The following OR5M10 variants were observed in gnomAD, a reference collection of about 807,000 sequenced individuals.
OR5M10 encodes the protein olfactory receptor family 5 subfamily M member 10.
For missense variants in OR5M10, 387 were observed against 376.4 expected (o/e 1.03, Z -0.23); for synonymous variants, 149 against 144.8 (o/e 1.03, Z -0.21).
At position 56,577,669 on chromosome 11, in the gene OR5M10, G is replaced by A. The variant is rs747329159; in HGVS notation, c.53C>T (p.Thr18Ile). ...GATCTTCTCTAGCACTGGGTCGTCT[G>A]TCAGTCCTAAGAGAATGAATTCTGT... ...IVTEFILLGL[T>I]DDPVLEKILF... is the part of the protein sequence containing the mutation. Residue 18 changes from threonine to isoleucine, a missense_variant, in exon 1 of 1, where the codon ACA (threonine) becomes ATA (isoleucine). Transcript: ENST00000526538. 1 of 1,613,656 alleles carries A rather than the reference G, an allele frequency of 6.2e-7. No individual in the cohort carries two copies. Among genetic ancestry groups the A allele is most frequent in the Non-Finnish European group, 8.5e-7 (1 of 1,179,712 alleles).
Position 56,577,296 on chromosome 11 carries a change from G to A in OR5M10, c.426C>T (p.Ile142=), listed in dbSNP as rs781411755. The change falls in exon 1 of 1, where the codon ATC becomes ATT. Residue 142 remains isoleucine, a synonymous_variant. Transcript: ENST00000526538. ...YSSRMSKNIC[I]SLVTVPYMYG... The stretch of plus-strand genomic sequence containing the variant: ...ACATGTAAGGCACAGTGACCAGAGA[G>A]ATGCAAATGTTCTTGGACATCCTGG... 33 of 1,613,878 alleles carry A rather than the reference G, an allele frequency of 2.0e-5. 3 individuals are homozygous for A. The Middle Eastern group carries it at 4.3e-3, about 210-fold the overall frequency.
In OR5M10 at chr11:56,576,876, G is replaced by T. The variant is rs1437837289; in HGVS notation, c.846C>A (p.Ser282Arg). Residue 282 changes from serine to arginine, a missense_variant, in exon 1 of 1, where the codon AGC (serine) becomes AGA (arginine). Transcript: ENST00000526538. Reference protein sequence around the residue: ...KIIAVFYTFLSPMLNPLIYSL... With the variant: ...KIIAVFYTFLRPMLNPLIYSL... ...TATAGATCAATGGGTTCAGCATTGG[G>T]CTCAAAAAAGTATAAAAGACTGCAA... is the stretch of plus-strand genomic sequence containing the variant. The T allele has an allele frequency of 4.3e-6, 7 of 1,613,682 alleles. No individual in the cohort carries two copies. Among genetic ancestry groups the T allele is most frequent in the Non-Finnish European group, 5.9e-6 (7 of 1,179,874 alleles).
Position 56,577,120 on chromosome 11 carries a change from A to G in OR5M10, c.602T>C (p.Val201Ala), listed in dbSNP as rs923542803. Reference protein sequence around the residue: ...DTRVKKMAMFVVAGFTLSSSL... With the variant: ...DTRVKKMAMFAVAGFTLSSSL... ...GCTTGAGAGAGTAAAGCCTGCAACT[A>G]CAAACATTGCCATCTTTTTGACACG... is the stretch of plus-strand genomic sequence containing the variant. Residue 201 changes from valine to alanine, a missense_variant, in exon 1 of 1, where the codon GTA becomes GCA. Transcript: ENST00000526538. The G allele has an allele frequency of 1.2e-6, 2 of 1,613,874 alleles. No homozygotes were observed. The highest frequency in any genetic ancestry group is 1.3e-5 in the African/African-American group (1 of 74,954).
chr11:56,577,002 C>G lies in OR5M10; in HGVS notation c.720G>C (p.Thr240=). The G allele has an allele frequency of 8.7e-6, 14 of 1,613,750 alleles. No homozygotes were observed. Among genetic ancestry groups the G allele is most frequent in the Middle Eastern group, 1.7e-4 (1 of 6,060 alleles). The change falls in exon 1 of 1, where the codon ACG becomes ACC. Residue 240 remains threonine, a synonymous_variant. Coordinates refer to ENST00000526538, the MANE Select transcript of OR5M10 (RefSeq NM_001004741.1). ...TGACTATTGTCAGGTGGGAAGCACA[C>G]GTAGAAAAGGCTTTGTGCCTGCCTT... is the stretch of plus-strand genomic sequence containing the variant. ...SAEGRHKAFS[T]CASHLTIVTL...
rs764301817 is a variant in OR5M10 at position 56,577,524 on chromosome 11, G to A, written c.198C>T (p.Leu66=). The A allele has an allele frequency of 2.5e-5, 40 of 1,613,676 alleles. No individual in the cohort carries two copies. In the South Asian group the frequency reaches 4.2e-4, roughly 17 times the overall value. ...QTPMYFFLGH[L]SFVDICYSSN... ...AAGAATAGCAAATGTCTACAAAGGA[G>A]AGGTGACCAAGGAAGAAATACATGG... Residue 66 remains leucine, a synonymous_variant, in exon 1 of 1, where the codon CTC becomes CTT. Coordinates refer to ENST00000526538, the MANE Select transcript of OR5M10 (RefSeq NM_001004741.1).
In OR5M10 at chr11:56,577,444, G is replaced by A. The variant is rs1193342538; in HGVS notation, c.278C>T (p.Ser93Phe). 2 of 1,613,698 alleles carry A rather than the reference G, an allele frequency of 1.2e-6. No individual in the cohort carries two copies. Among genetic ancestry groups the A allele is most frequent in the Non-Finnish European group, 1.7e-6 (2 of 1,179,820 alleles). ...ACACTGTGTGAAGCATCCAGCGTAG[G>A]AGATGGTCTTCTGTTCTGAGAGGAA... is the stretch of plus-strand genomic sequence containing the variant. ...HNFLSEQKTI[S>F]YAGCFTQCLL... Residue 93 changes from serine to phenylalanine, a missense_variant, in exon 1 of 1, where the codon TCC becomes TTC. Ser to Phe is a radical substitution (Grantham distance 155). Transcript: ENST00000526538.
rs549370764 is a variant in OR5M10 at position 56,576,919 on chromosome 11, A to G, written c.803T>C (p.Val268Ala). 2 of 1,613,936 alleles carry G rather than the reference A, an allele frequency of 1.2e-6. No individual in the cohort carries two copies. The highest frequency in any genetic ancestry group is 8.5e-7 in the Non-Finnish European group (1 of 1,179,892). The change falls in exon 1 of 1, where the codon GTA becomes GCA. Residue 268 changes from valine (V) to alanine (A), a missense_variant. Coordinates refer to ENST00000526538, the MANE Select transcript of OR5M10 (RefSeq NM_001004741.1). ...GACTGCAATTATTTTGGACTCCTCT[A>G]CAGACTTCTCTGATGGAGGCCTTAC... ...MYVRPPSEKS[V>A]EESKIIAVFY...
rs148911364 is a variant in OR5M10 at position 56,577,701 on chromosome 11, G to C, written c.21C>G (p.Thr7=). The C allele has an allele frequency of 1.2e-6, 2 of 1,613,336 alleles. No homozygotes were observed. The highest frequency in any genetic ancestry group is 1.7e-6 in the Non-Finnish European group (2 of 1,179,506). The change falls in exon 1 of 1, where the codon ACC becomes ACG. Residue 7 remains threonine (T), a synonymous_variant. Transcript: ENST00000526538. MLSPNH[T]IVTEFILLGL... ...CTAAGAGAATGAATTCTGTCACTAT[G>C]GTGTGGTTTGGGGACAACATCTTCT...
In OR5M10 at chr11:56,576,797, AT is replaced by A. The variant is rs935599693; in HGVS notation, c.924del (p.Lys308AsnfsTer?). ...GCCTAAACTGCAATTTTACAAAAGG[AT>A]TTTCCCCTAATCATTTGTTGTATGG... ...ILAIQQMIRG[K>X]SFCKIAV On this transcript the variant is annotated frameshift_variant, in exon 1 of 1. Coordinates refer to ENST00000526538, the MANE Select transcript of OR5M10 (RefSeq NM_001004741.1). LOFTEE classifies it low-confidence loss of function (END_TRUNC). 3 of 1,610,978 alleles carry A rather than the reference AT, an allele frequency of 1.9e-6. No homozygotes were observed. The highest frequency in any genetic ancestry group is 2.5e-6 in the Non-Finnish European group (3 of 1,179,012).
In OR5M10 at chr11:56,577,701, G is replaced by T; in HGVS notation, c.21C>A (p.Thr7=). 6.2e-7 allele frequency: 1 copy of T among 1,613,336 alleles called. No homozygotes were observed. Among genetic ancestry groups the T allele is most frequent in the Non-Finnish European group, 8.5e-7 (1 of 1,179,506 alleles). The change falls in exon 1 of 1, where the codon ACC becomes ACA. Residue 7 remains threonine (T), a synonymous_variant. Coordinates refer to ENST00000526538, the MANE Select transcript of OR5M10 (RefSeq NM_001004741.1). ...CTAAGAGAATGAATTCTGTCACTAT[G>T]GTGTGGTTTGGGGACAACATCTTCT... MLSPNH[T]IVTEFILLGL...
In OR5M10 at chr11:56,577,154, AG is replaced by A. The variant is rs1376292120; in HGVS notation, c.567del (p.Ser190LeufsTer12). On this transcript the variant is annotated frameshift_variant, in exon 1 of 1. Coordinates refer to ENST00000526538, the MANE Select transcript of OR5M10 (RefSeq NM_001004741.1). LOFTEE classifies it low-confidence loss of function (END_TRUNC). ...CADPPLIMLA[C>X]SDTRVKKMAM... Reference sequence around the variant, plus strand: ...GCCATCTTTTTGACACGGGTGTCAGAGCAGGCCAGCATGATAAGAGGAGGAT... The same window carrying A: ...GCCATCTTTTTGACACGGGTGTCAGACAGGCCAGCATGATAAGAGGAGGAT... 4 of 1,613,774 alleles carry A rather than the reference AG, an allele frequency of 2.5e-6. No homozygotes were observed. Among genetic ancestry groups the A allele is most frequent in the Non-Finnish European group, 3.4e-6 (4 of 1,179,898 alleles).
Position 56,577,617 on chromosome 11 carries a change from G to A in OR5M10, c.105C>T (p.Tyr35=), listed in dbSNP as rs1275926626. 1.2e-6 allele frequency: 2 copies of A among 1,613,648 alleles called. No homozygotes were observed. Among genetic ancestry groups the A allele is most frequent in the Middle Eastern group, 1.7e-4 (1 of 6,056 alleles). The change falls in exon 1 of 1, where the codon TAC becomes TAT. Residue 35 remains tyrosine, a synonymous_variant. Coordinates refer to ENST00000526538, the MANE Select transcript of OR5M10 (RefSeq NM_001004741.1). ...KILFGVFLAI[Y]LITLAGNLCM... ...ACAGGTTGCCTGCCAGTGTGATTAG[G>A]TAGATCGCCAGGAACACCCCAAACA...
Position 56,576,845 on chromosome 11 carries a change from G to C in OR5M10, c.877C>G (p.Arg293Gly). The C allele has an allele frequency of 6.2e-7, 1 of 1,613,750 alleles. No individual in the cohort carries two copies. The highest frequency in any genetic ancestry group is 8.5e-7 in the Non-Finnish European group (1 of 1,179,872). Residue 293 changes from arginine to glycine, a missense_variant, in exon 1 of 1, where the codon CGG becomes GGG. Coordinates refer to ENST00000526538, the MANE Select transcript of OR5M10 (RefSeq NM_001004741.1). ...ATGGCAAGGATTACATCTCTGTTCC[G>C]TAGGCTATAGATCAATGGGTTCAGC... ...PMLNPLIYSL[R>G]NRDVILAIQQ...
Position 56,576,827 on chromosome 11 carries a change from G to C in OR5M10, c.895C>G (p.Leu299Val). The change falls in exon 1 of 1, where the codon CTT becomes GTT. Residue 299 changes from leucine to valine, a missense_variant. Coordinates refer to ENST00000526538, the MANE Select transcript of OR5M10 (RefSeq NM_001004741.1). ...CCCCTAATCATTTGTTGTATGGCAA[G>C]GATTACATCTCTGTTCCGTAGGCTA... ...IYSLRNRDVI[L>V]AIQQMIRGKS... The C allele has an allele frequency of 1.2e-6, 2 of 1,613,220 alleles. No homozygotes were observed. The highest frequency in any genetic ancestry group is 8.5e-7 in the Non-Finnish European group (1 of 1,179,742).
Position 56,577,492 on chromosome 11 carries a change from A to G in OR5M10, c.230T>C (p.Val77Ala). 1 of 1,613,674 alleles carries G rather than the reference A, an allele frequency of 6.2e-7. No individual in the cohort carries two copies. ...SFVDICYSSN[V>A]TPNMLHNFLS... Reference sequence around the variant, plus strand: ...GAAATTGTGCAGCATATTTGGAGTAACATTGGAAGAATAGCAAATGTCTAC... The same window carrying G: ...GAAATTGTGCAGCATATTTGGAGTAGCATTGGAAGAATAGCAAATGTCTAC... Residue 77 changes from valine to alanine, a missense_variant, in exon 1 of 1, where the codon GTT becomes GCT. Coordinates refer to ENST00000526538, the MANE Select transcript of OR5M10 (RefSeq NM_001004741.1).
In OR5M10 at chr11:56,577,223, A is replaced by G; in HGVS notation, c.499T>C (p.Ser167Pro). 1.2e-6 allele frequency: 2 copies of G among 1,613,924 alleles called. No individual in the cohort carries two copies. Among genetic ancestry groups the G allele is most frequent in the Non-Finnish European group, 8.5e-7 (1 of 1,179,888 alleles). ...TTGATTTCAAGGGAGCCACAGAAGG[A>G]TAAGTGAAAGGTCAGCAGTGTCTGA... ...LSQTLLTFHL[S>P]FCGSLEINHF... is the part of the protein sequence containing the mutation. The change falls in exon 1 of 1, where the codon TCC becomes CCC. Residue 167 changes from serine to proline, a missense_variant. Physicochemically the swap from Ser to Pro is moderately conservative, Grantham distance 74. Coordinates refer to ENST00000526538, the MANE Select transcript of OR5M10 (RefSeq NM_001004741.1).
At position 56,577,195 on chromosome 11, in the gene OR5M10, T is replaced by C; in HGVS notation, c.527A>G (p.His176Arg). The change falls in exon 1 of 1, where the codon CAT (histidine) becomes CGT (arginine). Residue 176 changes from histidine to arginine, a missense_variant. By Grantham distance (29) the His-to-Arg change is conservative (BLOSUM62 0). Transcript: ENST00000526538. ...AAGAGGAGGATCAGCGCAGTAGAAA[T>C]GATTGATTTCAAGGGAGCCACAGAA... is the stretch of plus-strand genomic sequence containing the variant. The part of the protein sequence containing the change: ...LSFCGSLEIN[H>R]FYCADPPLIM... 6.2e-7 allele frequency: 1 copy of C among 1,613,704 alleles called. No individual in the cohort carries two copies. The highest frequency in any genetic ancestry group is 8.5e-7 in the Non-Finnish European group (1 of 1,179,876).
In OR5M10 at chr11:56,577,367, CCATTGAAG is replaced by C. The variant is rs148438199; in HGVS notation, c.347_354del (p.Ala116GlyfsTer37). The C allele has an allele frequency of 0.075, 120,470 of 1,613,712 alleles. 5,155 individuals are homozygous for C. Among genetic ancestry groups the C allele is most frequent in the Non-Finnish European group, 0.083 (97,742 of 1,179,824 alleles). On this transcript the variant is annotated frameshift_variant, in exon 1 of 1. Transcript: ENST00000526538. LOFTEE classifies it low-confidence loss of function (END_TRUNC). ...CAAATGGCTACATAGCGATCCAATGCCATTGAAGCAAGGAAGTAAAACTCAGTGATCAC... is the reference window on the plus strand; with the variant it reads ...CAAATGGCTACATAGCGATCCAATGCCAAGGAAGTAAAACTCAGTGATCAC...
Position 56,577,533 on chromosome 11 carries a change from A to G in OR5M10, c.189T>C (p.Leu63=). 1 of 1,613,686 alleles carries G rather than the reference A, an allele frequency of 6.2e-7. No homozygotes were observed. The highest frequency in any genetic ancestry group is 8.5e-7 in the Non-Finnish European group (1 of 1,179,722). ...AAATGTCTACAAAGGAGAGGTGACCAAGGAAGAAATACATGGGTGTTTGCA... is the reference window on the plus strand; with the variant it reads ...AAATGTCTACAAAGGAGAGGTGACCGAGGAAGAAATACATGGGTGTTTGCA... ...SQLQTPMYFF[L]GHLSFVDICY... is the part of the protein sequence containing the mutation. Residue 63 remains leucine (L), a synonymous_variant, in exon 1 of 1, where the codon CTT becomes CTC. Transcript: ENST00000526538.
Sources: allele counts gnomAD v4.1 joint callset, GRCh38; gene constraint gnomAD v4.1.1; transcripts MANE v1.5; gene names NCBI Gene and HGNC (gene_info 2026-07-23, HGNC 2026-07-21).